The following SLIT3 variants were observed in gnomAD, a reference collection of about 807,000 sequenced individuals.
The protein encoded by SLIT3 is slit guidance ligand 3, also known as slit homolog 3 protein.
A neutral mutation model predicts 184.0 loss-of-function variants in SLIT3; 68 were observed. The ratio of observed to expected loss-of-function variants is 0.37; its 90% CI spans 0.30 to 0.45. The LOEUF (loss-of-function observed/expected upper bound fraction) is 0.45, where lower values mean the gene tolerates loss of function less well. Among genes scored for constraint, SLIT3 ranks in the 20% least tolerant of loss-of-function variants. The probability of loss-of-function intolerance (pLI) is 1.00; values close to 1 mark genes in which losing one functional copy is unlikely to be tolerated. For synonymous variants in SLIT3, 831 were observed against 828.6 expected (o/e 1.00, Z -0.05); for missense variants, 1,707 against 2,026.0 (o/e 0.84, Z 3.02).
chr5:169,198,436 A>T (rs1763808552), intron 3 of SLIT3, among the ~76,000 whole-genome samples: 1 of 152,180 alleles, frequency 6.6e-6, no homozygotes, highest in Non-Finnish European at 1.5e-5. Context: ...AGGAGACAGG[A>T]GCATTTGGGA....
rs9313430 is a variant in SLIT3, at chr5:168,934,883, A to G, written c.414-51547T>C. 9.2e-3 allele frequency among the ~76,000 whole-genome samples: 1,400 copies of G among 151,572 alleles called. 25 individuals are homozygous for G. The highest frequency in any genetic ancestry group is 0.032 in the African/African-American group (1,333 of 41,332). Reference sequence around the variant, plus strand: ...GGTGGCTCACGCCTGTAATTCCAGCACTTTGGGAGGCCGAGATGGGCGGAT... The same window carrying G: ...GGTGGCTCACGCCTGTAATTCCAGCGCTTTGGGAGGCCGAGATGGGCGGAT... On this transcript the variant is annotated intron_variant, in intron 4 of 35. Coordinates refer to ENST00000519560, the MANE Select transcript of SLIT3 (RefSeq NM_003062.4).
intron 4 of SLIT3, among the ~76,000 whole-genome samples, chr5:169,153,823 T>C (rs1403761633): frequency 6.6e-6 from 1 of 152,192 alleles, no homozygotes; most frequent in African/African-American, 2.4e-5. Flanking sequence ...GAACTCTAGT[T>C]CTGGTTATTG....
At chr5:168,808,047 A>C (rs1201849706) in intron 8 of SLIT3, among the ~76,000 whole-genome samples, 1 of 152,120 alleles carries the variant, frequency 6.6e-6, no homozygotes, top group African/African-American at 2.4e-5. Flanking sequence ...TTACATATAC[A>C]CAAAACAAAA....
chr5:169,194,232 T>C (rs1763665798), intron 3 of SLIT3, among the ~76,000 whole-genome samples: 1 of 24,308 alleles, frequency 4.1e-5, no homozygotes, highest in Admixed American at 5.7e-4. Flanking sequence ...AGACTCTGTC[T>C]CAAAAAAAAA....
rs572538945 is a variant in SLIT3, at chr5:169,053,449, G to T, written c.413+140030C>A. On this transcript the variant is annotated intron_variant, in intron 4 of 35. Transcript: ENST00000519560. ...TTCTTCCATTTCTTCCTCTCTAGGG[G>T]AGTTCTTTGGGCTACTAAGATTGCT... 5.9e-5 allele frequency among the ~76,000 whole-genome samples: 9 copies of T among 152,258 alleles called. No individual in the cohort carries two copies. The South Asian group carries it at 1.9e-3, about 32-fold the overall frequency.
chr5:168,965,850 T>C (rs1033333359), intron 4 of SLIT3, among the ~76,000 whole-genome samples: 11 of 152,322 alleles, frequency 7.2e-5, no homozygotes, highest in Admixed American at 7.2e-4. Flanking sequence ...TGTGAACTCA[T>C]GCCAGCGCAC....
intron 1 of SLIT3, among the ~76,000 whole-genome samples, chr5:169,279,578 C>G (rs184714699): frequency 5.9e-5 from 9 of 152,234 alleles, no homozygotes; most frequent in Non-Finnish European, 8.8e-5. Flanking sequence ...AGTGCCAATT[C>G]CACAGGGTTC....
At chr5:168,975,909 A>G (rs1346669121) in intron 4 of SLIT3, among the ~76,000 whole-genome samples, 1 of 152,164 alleles carries the variant, frequency 6.6e-6, no homozygotes, top group African/African-American at 2.4e-5. Flanking sequence ...AGAGGAAGGG[A>G]GCAGTACAGA....
chr5:168,922,691 G>C (rs1218145674), intron 4 of SLIT3, among the ~76,000 whole-genome samples: 1 of 152,104 alleles, frequency 6.6e-6, no homozygotes, highest in African/African-American at 2.4e-5. Flanking sequence ...ACCATCAGAA[G>C]TTTTTCCAGC....
intron 18 of SLIT3, among the ~76,000 whole-genome samples, chr5:168,749,995 T>A (rs560270754): frequency 6.6e-6 from 1 of 152,260 alleles, no homozygotes; most frequent in Admixed American, 6.5e-5. Flanking sequence ...GTCCTTGGCT[T>A]CAATGACATT....
chr5:169,014,542 C>T (rs12189511), intron 4 of SLIT3, among the ~76,000 whole-genome samples: 31,371 of 152,192 alleles, frequency 0.21, 3,624 homozygotes, highest in East Asian at 0.54. Context: ...CACAGACACA[C>T]ACACTTTCCT....
chr5:169,115,348 A>C (rs899454220), intron 4 of SLIT3, among the ~76,000 whole-genome samples: 1 of 152,176 alleles, frequency 6.6e-6, no homozygotes, highest in Non-Finnish European at 1.5e-5. Flanking sequence ...CACAGGCCAT[A>C]ATTCCTGACC....
intron 13 of SLIT3, among the ~76,000 whole-genome samples, chr5:168,773,907 T>C (rs999716888): frequency 1.3e-5 from 2 of 152,158 alleles, no homozygotes. Context: ...ACCTGCTCCT[T>C]ACTAGCTGTG....
intron 3 of SLIT3, among the ~76,000 whole-genome samples, chr5:169,222,080 C>A (rs1764635267): frequency 6.6e-6 from 1 of 152,206 alleles, no homozygotes; most frequent in African/African-American, 2.4e-5. Context: ...AATAAACTGA[C>A]TTGGGTCCTT....
intron 1 of SLIT3, among the ~76,000 whole-genome samples, chr5:169,264,950 C>T (rs1766339946): frequency 6.6e-6 from 1 of 152,204 alleles, no homozygotes; most frequent in Non-Finnish European, 1.5e-5. Context: ...TATAATTTTA[C>T]ACCTGCAAAA....
At chr5:169,258,281 C>T (rs1335169077) in intron 1 of SLIT3, among the ~76,000 whole-genome samples, 2 of 152,152 alleles carry the variant, frequency 1.3e-5, no homozygotes, top group Non-Finnish European at 2.9e-5. Context: ...AGGTTATCCA[C>T]TGAATTTTTT....
intron 4 of SLIT3, among the ~76,000 whole-genome samples, chr5:169,155,651 C>A (rs1294114843): frequency 2.6e-5 from 4 of 152,152 alleles, no homozygotes; most frequent in Admixed American, 2.6e-4. Flanking sequence ...GGAGGAAACC[C>A]AAGGCAGAAT....
intron 5 of SLIT3, among the ~76,000 whole-genome samples, chr5:168,877,429 A>G (rs887007814): frequency 6.6e-6 from 1 of 152,124 alleles, no homozygotes; most frequent in South Asian, 2.1e-4. Context: ...AAGTGAGAGC[A>G]CCCAGTTCAC....
At chr5:169,134,840 G>A (rs539343076) in intron 4 of SLIT3, among the ~76,000 whole-genome samples, 2 of 152,300 alleles carry the variant, frequency 1.3e-5, no homozygotes, top group African/African-American at 4.8e-5. Flanking sequence ...ATTTATTGCA[G>A]CTTGGACTAG....
Sources: gnomAD v4.1 joint callset for allele counts (sites outside exome capture counted in the v4.1 genomes callset) on GRCh38, gnomAD v4.1.1 for gene constraint, MANE v1.5 for transcripts, NCBI Gene and HGNC (gene_info 2026-07-23, HGNC 2026-07-21) for gene names.